CADM2: variants seen among roughly 807,000 people sequenced by gnomAD.
The protein encoded by CADM2 is cell adhesion molecule 2.
CADM2 carries 12 observed loss-of-function variants against 49.8 expected under a neutral mutation model. The observed-to-expected ratio is 0.24, with a 90% CI of 0.15 to 0.39. The LOEUF is 0.39. Ranked by LOEUF, CADM2 falls within the 10% of genes least tolerant of loss-of-function variation. The pLI is 1.00. For synonymous variants in CADM2, 214 were observed against 175.4 expected (o/e 1.22, Z -1.74); for missense variants, 378 against 492.3 (o/e 0.77, Z 2.20).
At chr3:85,650,822 AG>A (rs2065021990) in intron 1 of CADM2, among the ~76,000 whole-genome samples, 1 of 150,832 alleles carries the variant, frequency 6.6e-6, no homozygotes, top group Non-Finnish European at 1.5e-5. Context: ...AAATTTATAA[AG>A]CACCATAAAT....
At chr3:85,663,361 C>CT (rs1253609543) in intron 1 of CADM2, among the ~76,000 whole-genome samples, 1 of 152,062 alleles carries the variant, frequency 6.6e-6, no homozygotes, top group South Asian at 2.1e-4. Context: ...CCACTCAGCG[C>CT]TTTTTTTCAT....
intron 1 of CADM2, among the ~76,000 whole-genome samples, chr3:85,318,736 A>G (rs2044530198): frequency 6.6e-6 from 1 of 152,202 alleles, no homozygotes; most frequent in Admixed American, 6.5e-5. Flanking sequence ...CACTCAGAAA[A>G]TGCTATTAAT....
In CADM2 at chr3:85,042,272, G is replaced by A. The variant is rs532800109; in HGVS notation, c.61+82604G>A. Among the ~76,000 whole-genome samples, 13 of 152,218 alleles carry A rather than the reference G, an allele frequency of 8.5e-5. No individual in the cohort carries two copies. The East Asian group carries it at 2.1e-3, about 25-fold the overall frequency. On this transcript the variant is annotated intron_variant, in intron 1 of 9. Coordinates refer to ENST00000383699, the MANE Select transcript of CADM2 (RefSeq NM_001167675.2). Reference sequence around the variant, plus strand: ...AACAGCTTCAACCCAGCTATTAGTCGTCTTGAGCATGAAAGCAGTCTTCAA... The same window carrying A: ...AACAGCTTCAACCCAGCTATTAGTCATCTTGAGCATGAAAGCAGTCTTCAA...
intron 1 of CADM2, among the ~76,000 whole-genome samples, chr3:85,654,472 A>G (rs2065139862): frequency 6.6e-6 from 1 of 152,164 alleles, no homozygotes; most frequent in Non-Finnish European, 1.5e-5. Context: ...ACATTGATGA[A>G]AGCTTGCAGA....
chr3:85,793,949 A>G (rs543463908), intron 2 of CADM2, among the ~76,000 whole-genome samples: 1 of 152,312 alleles, frequency 6.6e-6, no homozygotes, highest in South Asian at 2.1e-4. Flanking sequence ...AGGCTTAGGT[A>G]GGGCTTATAC....
intron 8 of CADM2, among the ~76,000 whole-genome samples, chr3:85,976,871 T>C (rs1726849132): frequency 6.6e-6 from 1 of 151,608 alleles, no homozygotes; most frequent in Non-Finnish European, 1.5e-5. Flanking sequence ...TCTAAGGATG[T>C]TGTTTTGAAG....
chr3:85,369,050 C>T (rs2033005705), intron 1 of CADM2, among the ~76,000 whole-genome samples: 1 of 152,072 alleles, frequency 6.6e-6, no homozygotes, highest in African/African-American at 2.4e-5. Context: ...CTTCTTATGT[C>T]TTCCTTCTAA....
intron 1 of CADM2, among the ~76,000 whole-genome samples, chr3:85,155,834 A>G (rs2040094222): frequency 6.6e-6 from 1 of 152,200 alleles, no homozygotes; most frequent in South Asian, 2.1e-4. Flanking sequence ...CTGCTCCTGA[A>G]TGACTACTGG....
chr3:85,898,266 T>C (rs894513149), intron 5 of CADM2, among the ~76,000 whole-genome samples: 3 of 152,112 alleles, frequency 2.0e-5, no homozygotes, highest in African/African-American at 7.2e-5. Flanking sequence ...TTTTTCATAT[T>C]TATTTTAAAA....
chr3:85,492,567 G>A (rs1490892440), intron 1 of CADM2, among the ~76,000 whole-genome samples: 4 of 151,950 alleles, frequency 2.6e-5, no homozygotes, highest in Non-Finnish European at 5.9e-5. Context: ...CAGCCTGGGC[G>A]ACAGAGCGGG....
At chr3:84,991,699 G>T (rs2032900029) in intron 1 of CADM2, among the ~76,000 whole-genome samples, 1 of 152,184 alleles carries the variant, frequency 6.6e-6, no homozygotes, top group Non-Finnish European at 1.5e-5. Flanking sequence ...ACGTGCACAT[G>T]GATGTTTATA....
At chr3:85,016,305 AG>A (rs1315218182) in intron 1 of CADM2, among the ~76,000 whole-genome samples, 1 of 152,208 alleles carries the variant, frequency 6.6e-6, no homozygotes, top group Non-Finnish European at 1.5e-5. Flanking sequence ...TTATTGAAAA[AG>A]TAAAAAAGAG....
intron 1 of CADM2, among the ~76,000 whole-genome samples, chr3:85,193,671 C>G (rs2107730165): frequency 6.6e-6 from 1 of 152,150 alleles, no homozygotes; most frequent in South Asian, 2.1e-4. Context: ...ACAGTCACTC[C>G]TCACTCCAAT....
intron 1 of CADM2, among the ~76,000 whole-genome samples, chr3:85,040,580 C>CAGGATT (rs1379568374): frequency 7.3e-5 from 11 of 150,850 alleles, no homozygotes; most frequent in African/African-American, 2.7e-4. Flanking sequence ...CTCAAACAAA[C>CAGGATT]AAACAATAGG....
intron 1 of CADM2, among the ~76,000 whole-genome samples, chr3:85,119,090 C>G (rs902988558): frequency 4.6e-5 from 7 of 152,106 alleles, no homozygotes; most frequent in African/African-American, 1.7e-4. Flanking sequence ...TCCTTATGCT[C>G]TAGTAGATAT....
rs956242412 is a variant in CADM2 at position 85,354,554 on chromosome 3, A to G, written c.62-371968A>G. Among the ~76,000 whole-genome samples the G allele has an allele frequency of 2.7e-5, 4 of 150,210 alleles. No individual in the cohort carries two copies. In the East Asian group the frequency reaches 7.9e-4, roughly 30 times the overall value. ...GCAGAGGAAAGGAAATAAAGTGTAA[A>G]TGCATATGTTTGTGTGCATGTGGGC... is the stretch of plus-strand genomic sequence containing the variant. On this transcript the variant is annotated intron_variant, in intron 1 of 9. Coordinates refer to ENST00000383699, the MANE Select transcript of CADM2 (RefSeq NM_001167675.2).
chr3:85,057,302 C>G (rs2036117957), intron 1 of CADM2, among the ~76,000 whole-genome samples: 1 of 144,476 alleles, frequency 6.9e-6, no homozygotes, highest in Non-Finnish European at 1.5e-5. Context: ...TTACCATTTT[C>G]AGAATTTTTT....
intron 1 of CADM2, among the ~76,000 whole-genome samples, chr3:85,014,194 A>G (rs2034142175): frequency 6.7e-6 from 1 of 148,780 alleles, no homozygotes; most frequent in African/African-American, 2.5e-5. Flanking sequence ...TGTATATTAT[A>G]TATACGCAGT....
At chr3:85,923,797 G>C (rs556584422) in intron 6 of CADM2, among the ~76,000 whole-genome samples, 95 of 152,208 alleles carry the variant, frequency 6.2e-4, no homozygotes, top group African/African-American at 2.3e-3. Flanking sequence ...AGCTCCCTGT[G>C]GTTATCGGCA....
Sources: gnomAD v4.1 joint callset for allele counts (sites outside exome capture counted in the v4.1 genomes callset) on GRCh38, gnomAD v4.1.1 for gene constraint, MANE v1.5 for transcripts, NCBI Gene and HGNC (gene_info 2026-07-23, HGNC 2026-07-21) for gene names.